TENM2: variants seen among roughly 807,000 people sequenced by gnomAD.
TENM2 encodes the protein teneurin transmembrane protein 2.
In TENM2, 52 loss-of-function variants were observed where a neutral mutation model predicts 245.2. The ratio of observed to expected loss-of-function variants is 0.21; its 90% confidence interval spans 0.17 to 0.27. TENM2 has a LOEUF of 0.27. TENM2 is among the 10% of genes least tolerant of loss of function. TENM2 has a pLI of 1.00. For synonymous variants in TENM2, 1,363 were observed against 1,438.9 expected (o/e 0.95, Z 1.19); for missense variants, 3,046 against 3,666.8 (o/e 0.83, Z 4.37).
chr5:168,127,426 C>G (rs977764971), intron 12 of TENM2, among the ~76,000 whole-genome samples: 1 of 152,176 alleles, frequency 6.6e-6, no homozygotes, highest in Non-Finnish European at 1.5e-5. Context: ...GCAGGTACCA[C>G]GGTAAGGTCC....
At chr5:167,205,467 A>G in the TENM2 span, among the ~76,000 whole-genome samples, 4 of 152,192 alleles carry the variant, frequency 2.6e-5, no homozygotes, top group African/African-American at 4.8e-5. Context: ...TTCTATGTCC[A>G]CGTGAAAGAC....
chr5:168,165,652 C>A (rs1262724633), intron 13 of TENM2, among the ~76,000 whole-genome samples: 22 of 23,442 alleles, frequency 9.4e-4, no homozygotes, highest in East Asian at 3.4e-3. Context: ...CCCCCAACCC[C>A]CCCCCCCCCC....
At chr5:167,580,963 T>C (rs984762282) in intron 2 of TENM2, among the ~76,000 whole-genome samples, 3 of 152,172 alleles carry the variant, frequency 2.0e-5, no homozygotes, top group African/African-American at 7.2e-5. Flanking sequence ...CACTCCAGCC[T>C]GGGAAACAGA....
intron 1 of TENM2, among the ~76,000 whole-genome samples, chr5:167,368,875 C>T (rs1196602486): frequency 6.6e-6 from 1 of 152,102 alleles, no homozygotes; most frequent in African/African-American, 2.4e-5. Context: ...CCCTCAGGTC[C>T]TCTTCTGATC....
chr5:167,563,913 A>C (rs932069531), intron 2 of TENM2, among the ~76,000 whole-genome samples: 1 of 152,174 alleles, frequency 6.6e-6, no homozygotes, highest in African/African-American at 2.4e-5. Context: ...GGTTTGTGTA[A>C]GTGCACTCTA....
chr5:166,986,680 C>T, the TENM2 span, among the ~76,000 whole-genome samples: 1 of 152,182 alleles, frequency 6.6e-6, no homozygotes. Flanking sequence ...CTAGGAATTA[C>T]TGAATGAAAC....
intron 2 of TENM2, among the ~76,000 whole-genome samples, chr5:167,597,485 A>G (rs1400165328): frequency 6.6e-6 from 1 of 152,046 alleles, no homozygotes; most frequent in Admixed American, 6.5e-5. Flanking sequence ...CCCCATCCCC[A>G]TATGTAACTT....
At chr5:167,020,842 G>C in the TENM2 span, among the ~76,000 whole-genome samples, 1 of 152,162 alleles carries the variant, frequency 6.6e-6, no homozygotes. Flanking sequence ...GGATGGAGAA[G>C]ACTCTTAGAA....
chr5:167,485,704 G>T (rs1044372113), intron 2 of TENM2, among the ~76,000 whole-genome samples: 1 of 151,992 alleles, frequency 6.6e-6, no homozygotes, highest in South Asian at 2.1e-4. Context: ...CCACTATGAC[G>T]CCAAATGCCT....
chr5:168,150,004 CT>C (rs1183893004), intron 12 of TENM2, among the ~76,000 whole-genome samples: 4 of 152,094 alleles, frequency 2.6e-5, no homozygotes, highest in African/African-American at 9.7e-5. Flanking sequence ...CCTGACCATC[CT>C]ATATAAGACA....
At chr5:167,800,713 T>C (rs926270719) in intron 2 of TENM2, among the ~76,000 whole-genome samples, 1 of 152,180 alleles carries the variant, frequency 6.6e-6, no homozygotes, top group African/African-American at 2.4e-5. Flanking sequence ...AGGGCTGCTG[T>C]CTTTATGTGT....
chr5:167,106,491 G>A, the TENM2 span, among the ~76,000 whole-genome samples: 1 of 152,226 alleles, frequency 6.6e-6, no homozygotes, highest in Non-Finnish European at 1.5e-5. Context: ...ATTGGGAAAT[G>A]AGACTAAAAA....
chr5:167,382,321 G>T (rs1348054631), intron 2 of TENM2, among the ~76,000 whole-genome samples: 1 of 152,144 alleles, frequency 6.6e-6, no homozygotes, highest in Non-Finnish European at 1.5e-5. Flanking sequence ...ACAATAAAGC[G>T]AAGGCTAGAA....
chr5:168,010,034 G>A (rs1163219540), intron 5 of TENM2, among the ~76,000 whole-genome samples: 2 of 152,206 alleles, frequency 1.3e-5, no homozygotes, highest in African/African-American at 2.4e-5. Flanking sequence ...GAAGCCTGCA[G>A]CTCCCTCCTG....
chr5:168,200,225 C>A, intron 17 of TENM2, 94 bp downstream of exon 19: 2 of 1,173,586 alleles, frequency 1.7e-6, no homozygotes, highest in Non-Finnish European at 2.4e-6. Context: ...TGCCAAGCAC[C>A]ATTTCAGTAG....
At chr5:167,641,269 C>A (rs771342637) in intron 2 of TENM2, among the ~76,000 whole-genome samples, 9 of 152,078 alleles carry the variant, frequency 5.9e-5, no homozygotes, top group Non-Finnish European at 1.2e-4. Context: ...TACTTATTTT[C>A]ATGGCAGAAG....
chr5:167,913,886 A>G (rs1776730889), intron 3 of TENM2, among the ~76,000 whole-genome samples: 1 of 152,240 alleles, frequency 6.6e-6, no homozygotes. Context: ...GGACATATGC[A>G]CAGAGTTTAG....
chr5:167,713,788 T>C (rs1410007962), intron 2 of TENM2, among the ~76,000 whole-genome samples: 3 of 152,238 alleles, frequency 2.0e-5, no homozygotes, highest in African/African-American at 7.2e-5. Flanking sequence ...CACGTAGACC[T>C]GATGCCCTTT....
At chr5:167,566,464 A>G (rs1037912992) in intron 2 of TENM2, among the ~76,000 whole-genome samples, 3 of 152,194 alleles carry the variant, frequency 2.0e-5, no homozygotes, top group Non-Finnish European at 4.4e-5. Context: ...ACAAATAGCA[A>G]CCAGATTATT....
Sources: gnomAD v4.1 joint callset for allele counts (sites outside exome capture counted in the v4.1 genomes callset) on GRCh38, gnomAD v4.1.1 for gene constraint, MANE v1.5 for transcripts, NCBI Gene and HGNC (gene_info 2026-07-23, HGNC 2026-07-21) for gene names.